The following CCDC126 variants were observed in gnomAD, a reference collection of about 807,000 sequenced individuals.
The protein encoded by CCDC126 is coiled-coil domain-containing protein 126.
In CCDC126, 5 loss-of-function variants were observed where a neutral mutation model predicts 11.7. The ratio of observed to expected loss-of-function variants is 0.43; its 90% CI spans 0.22 to 0.90. The LOEUF is 0.90. Among genes scored for constraint, CCDC126 ranks in the 40% least tolerant of loss-of-function variants. The pLI is 0.27. For synonymous variants in CCDC126, 60 were observed against 61.9 expected (o/e 0.97, Z 0.14); for missense variants, 150 against 163.1 (o/e 0.92, Z 0.44).
intron 3 of CCDC126, among the ~76,000 whole-genome samples, chr7:23,626,532 G>T (rs2128019368): frequency 6.6e-6 from 1 of 151,846 alleles, no homozygotes; most frequent in Non-Finnish European, 1.5e-5. Context: ...AGGTTTGGGG[G>T]TACATGTGAA....
intron 2 of CCDC126, chr7:23,602,202 TA>T (rs1246266940): frequency 2.0e-5 from 3 of 152,190 alleles, no homozygotes; most frequent in Admixed American, 6.6e-5. Flanking sequence ...GTAATAAATA[TA>T]CAAATTTAGA....
intron 3 of CCDC126, among the ~76,000 whole-genome samples, chr7:23,630,494 T>TCAGTCAAA (rs1783090960): frequency 1.0e-5 from 1 of 99,514 alleles, no homozygotes; most frequent in African/African-American, 3.1e-5. Flanking sequence ...TGAGACTGTT[T>TCAGTCAAA]CAGTCAATCA....
At chr7:23,610,490 A>G (rs926351828) in intron 2 of CCDC126, among the ~76,000 whole-genome samples, 2 of 152,188 alleles carry the variant, frequency 1.3e-5, no homozygotes, top group Non-Finnish European at 2.9e-5. Flanking sequence ...TTGGGCTTAC[A>G]AGTGTAAGCC....
At chr7:23,639,108 T>G (rs1259655179) in intron 3 of CCDC126, among the ~76,000 whole-genome samples, 2 of 151,992 alleles carry the variant, frequency 1.3e-5, no homozygotes, top group Non-Finnish European at 2.9e-5. Flanking sequence ...AATTTTCAAC[T>G]CTACAGAAAA....
chr7:23,640,283 A>G (rs970713315), intron 3 of CCDC126, among the ~76,000 whole-genome samples: 5 of 151,836 alleles, frequency 3.3e-5, no homozygotes, highest in Admixed American at 1.3e-4. Flanking sequence ...AGATCACCTG[A>G]GATCGGGAGT....
At chr7:23,628,448 T>C (rs1425157393) in intron 3 of CCDC126, among the ~76,000 whole-genome samples, 1 of 152,226 alleles carries the variant, frequency 6.6e-6, no homozygotes. Context: ...CCTAGCAAGC[T>C]AGAAAACTTG....
intron 2 of CCDC126, among the ~76,000 whole-genome samples, chr7:23,603,217 G>A (rs899857967): frequency 5.9e-5 from 9 of 152,082 alleles, no homozygotes; most frequent in African/African-American, 2.2e-4. Flanking sequence ...TTTTTTGCCT[G>A]TATAAAAACT....
chr7:23,602,766 A>G (rs1240851400), intron 2 of CCDC126, among the ~76,000 whole-genome samples: 1 of 152,152 alleles, frequency 6.6e-6, no homozygotes, highest in African/African-American at 2.4e-5. Flanking sequence ...CTCACACCTC[A>G]GGCAGATGTT....
At chr7:23,625,521 C>T (rs980897538) in intron 3 of CCDC126, among the ~76,000 whole-genome samples, 10 of 151,934 alleles carry the variant, frequency 6.6e-5, no homozygotes, top group African/African-American at 2.4e-4. Flanking sequence ...TATTTGCTTT[C>T]AGGGGAGGTT....
intron 3 of CCDC126, among the ~76,000 whole-genome samples, chr7:23,622,128 G>A (rs1782915407): frequency 1.3e-5 from 2 of 152,128 alleles, no homozygotes; most frequent in African/African-American, 4.8e-5. Context: ...CCCTTTTTCA[G>A]TTGATTGGAA....
intron 2 of CCDC126, among the ~76,000 whole-genome samples, chr7:23,605,684 G>A (rs1251492018): frequency 6.6e-6 from 1 of 152,078 alleles, no homozygotes; most frequent in East Asian, 1.9e-4. Flanking sequence ...ATTGTATGTA[G>A]ATACCACATT....
At position 23,643,273 on chromosome 7, in the gene CCDC126, C is replaced by A; in HGVS notation, c.*158C>A. The A allele has an allele frequency of 1.6e-6, 1 of 639,052 alleles. No homozygotes were observed. The highest frequency in any genetic ancestry group is 2.5e-6 in the Non-Finnish European group (1 of 395,730). 39.6% of individuals were successfully genotyped at this position (639,052 alleles called of 1,614,324 possible). A position where few individuals can be genotyped will look rare whatever the true frequency, so the allele number is the denominator to read the frequency against. ...GGATTCATGGAACTCTAATTCTGTA[C>A]ATAAAAATTTTAAAGTTATTTGTTT... On this transcript the variant is annotated 3_prime_UTR_variant, in exon 4 of 4. Coordinates refer to ENST00000307471, the MANE Select transcript of CCDC126 (RefSeq NM_138771.4).
intron 3 of CCDC126, among the ~76,000 whole-genome samples, chr7:23,638,963 A>G (rs1406236446): frequency 6.6e-6 from 1 of 151,114 alleles, no homozygotes; most frequent in African/African-American, 2.4e-5. Flanking sequence ...AAGGAGATCC[A>G]GTATTTATGA....
chr7:23,617,349 A>C (rs1298783292), intron 3 of CCDC126, among the ~76,000 whole-genome samples: 15 of 80,136 alleles, frequency 1.9e-4, no homozygotes, highest in Non-Finnish European at 3.3e-4. Context: ...TGCTGTCTCC[A>C]AAAAAAAAAA....
intron 3 of CCDC126, among the ~76,000 whole-genome samples, chr7:23,612,523 A>T (rs1374194437): frequency 6.6e-6 from 1 of 150,994 alleles, no homozygotes; most frequent in Non-Finnish European, 1.5e-5. Flanking sequence ...GAAAAAAAAA[A>T]TTAGCCAGGC....
intron 2 of CCDC126, among the ~76,000 whole-genome samples, chr7:23,605,177 C>A (rs1447960461): frequency 6.6e-6 from 1 of 151,778 alleles, no homozygotes; most frequent in African/African-American, 2.4e-5. Context: ...TTGTATAGAC[C>A]CTGAGGTCAG....
chr7:23,632,100 T>G (rs1224293151), intron 3 of CCDC126, among the ~76,000 whole-genome samples: 1 of 151,192 alleles, frequency 6.6e-6, no homozygotes, highest in Non-Finnish European at 1.5e-5. Flanking sequence ...TGGGTTTTTT[T>G]TTTTTTTTTT....
At chr7:23,606,278 T>C (rs1782622186) in intron 2 of CCDC126, among the ~76,000 whole-genome samples, 1 of 152,114 alleles carries the variant, frequency 6.6e-6, no homozygotes, top group Non-Finnish European at 1.5e-5. Context: ...CAGGATGGTC[T>C]CGATCTCCTG....
chr7:23,641,324 C>T (rs753229827), intron 3 of CCDC126, among the ~76,000 whole-genome samples: 41 of 152,208 alleles, frequency 2.7e-4, no homozygotes, highest in Middle Eastern at 3.4e-3. Flanking sequence ...AGTATCTATT[C>T]AAGTCCTTTG....
Sources: allele counts gnomAD v4.1 joint callset (sites outside exome capture counted in the v4.1 genomes callset), GRCh38; gene constraint gnomAD v4.1.1; transcripts MANE v1.5; gene names NCBI Gene and HGNC (gene_info 2026-07-23, HGNC 2026-07-21).